MSR1: variants seen among roughly 807,000 people sequenced by gnomAD.
The protein encoded by MSR1 is macrophage scavenger receptor types I and II.
In MSR1, 53 loss-of-function variants were observed where a neutral mutation model predicts 47.2. The ratio of observed to expected loss-of-function variants is 1.12; its 90% CI spans 0.90 to 1.41. The LOEUF (loss-of-function observed/expected upper bound fraction) is 1.41, where lower values mean the gene tolerates loss of function less well. Ranked by LOEUF, MSR1 falls within the 40% of genes most tolerant of loss-of-function variation. MSR1 has a pLI of 0.00. For missense variants in MSR1, 786 were observed against 546.9 expected (o/e 1.44, Z -4.36); for synonymous variants, 239 against 185.6 (o/e 1.29, Z -2.34).
At chr8:16,112,639 ACC>A (rs1799783508) in intron 9 of MSR1, among the ~76,000 whole-genome samples, 24 of 152,096 alleles carry the variant, frequency 1.6e-4, no homozygotes, top group Admixed American at 1.5e-3. Flanking sequence ...CCTTGTGTAA[ACC>A]AATGAGATAA....
At chr8:16,117,163 T>A (rs933740038) in intron 9 of MSR1, among the ~76,000 whole-genome samples, 1 of 152,160 alleles carries the variant, frequency 6.6e-6, no homozygotes, top group African/African-American at 2.4e-5. Context: ...CTGTATTTAC[T>A]GCCGCTCCCT....
At chr8:16,135,333 T>C (rs1286493847) in intron 8 of MSR1, among the ~76,000 whole-genome samples, 1 of 152,088 alleles carries the variant, frequency 6.6e-6, no homozygotes, top group African/African-American at 2.4e-5. Flanking sequence ...CTAGGGCCCT[T>C]ATGAGTTATG....
intron 1 of MSR1, among the ~76,000 whole-genome samples, chr8:16,190,873 C>T (rs1270974725): frequency 6.6e-6 from 1 of 152,004 alleles, no homozygotes; most frequent in Non-Finnish European, 1.5e-5. Context: ...AAGCATGCAC[C>T]ACCACGCCCG....
rs567794986 is a variant in MSR1 at position 16,108,746 on chromosome 8, G to C, written c.*1339C>G. On this transcript the variant is annotated 3_prime_UTR_variant, in exon 10 of 10. Transcript: ENST00000262101. Reference sequence around the variant, plus strand: ...CTGTTTACAGTAATTCCAATTCCAAGGTAAGGTTTTGCCTTTTTAAGTTGG... The same window carrying C: ...CTGTTTACAGTAATTCCAATTCCAACGTAAGGTTTTGCCTTTTTAAGTTGG... The C allele has an allele frequency of 2.0e-5, 3 of 152,208 alleles. No individual in the cohort carries two copies. The South Asian group carries it at 6.2e-4, about 32-fold the overall frequency. 9.4% of individuals were successfully genotyped at this position (152,208 alleles called of 1,614,324 possible). A position where few individuals can be genotyped will look rare whatever the true frequency, so the allele number is the denominator to read the frequency against.
At chr8:16,111,955 T>G (rs1585129086) in intron 9 of MSR1, among the ~76,000 whole-genome samples, 1 of 149,946 alleles carries the variant, frequency 6.7e-6, no homozygotes, top group Admixed American at 6.6e-5. Context: ...CTTACTTATT[T>G]AGCAAATCTC....
intron 5 of MSR1, among the ~76,000 whole-genome samples, chr8:16,157,311 G>A (rs759112126): frequency 6.6e-6 from 1 of 151,756 alleles, no homozygotes; most frequent in Non-Finnish European, 1.5e-5. Context: ...GTAATTATGG[G>A]AACTGTATAC....
intron 1 of MSR1, among the ~76,000 whole-genome samples, chr8:16,186,812 C>T (rs1802013398): frequency 7.9e-6 from 1 of 125,992 alleles, no homozygotes; most frequent in Non-Finnish European, 1.6e-5. Context: ...TGCAGTCTTA[C>T]TATGTTGCCC....
At chr8:16,159,157 T>A (rs1352748480) in intron 5 of MSR1, among the ~76,000 whole-genome samples, 1 of 151,782 alleles carries the variant, frequency 6.6e-6, no homozygotes, top group African/African-American at 2.4e-5. Flanking sequence ...CAAATTCAAA[T>A]GCCCTCAGTT....
At chr8:16,121,134 T>C (rs1419057001) in intron 8 of MSR1, 2 of 435,748 alleles carry the variant, frequency 4.6e-6, no homozygotes, top group Non-Finnish European at 9.1e-6. Flanking sequence ...GTGACAACCT[T>C]CATTTAGAAA....
rs549805813 is a variant in MSR1 at position 16,174,497 on chromosome 8, A to C, written c.217+690T>G. ...TATCTACCCTTGTAGAAACAGTCAA[A>C]TCTATCTCCGGTTCAAGTCAGACCC... On this transcript the variant is annotated intron_variant, in intron 3 of 9. Transcript: ENST00000262101. Among the ~76,000 whole-genome samples the C allele has an allele frequency of 7.7e-4, 118 of 152,296 alleles. 3 individuals are homozygous for C. The South Asian group carries it at 0.024, about 31-fold the overall frequency.
At chr8:16,185,903 G>A (rs1166945519) in intron 1 of MSR1, among the ~76,000 whole-genome samples, 1 of 150,742 alleles carries the variant, frequency 6.6e-6, no homozygotes, top group African/African-American at 2.4e-5. Flanking sequence ...TTCAGTGGGT[G>A]AGTAGAGGAA....
In MSR1 at chr8:16,164,233, C is replaced by G. The variant is rs376579327; in HGVS notation, c.649G>C (p.Glu217Gln). The G allele has an allele frequency of 9.7e-5, 157 of 1,611,786 alleles. 2 individuals are homozygous for G. The South Asian group carries it at 1.5e-3, about 15-fold the overall frequency. Residue 217 changes from glutamate to glutamine, a missense_variant, in exon 5 of 10, where the codon GAG becomes CAG. Glu to Gln is a conservative substitution (Grantham distance 29). Transcript: ENST00000262101. Reference sequence around the variant, plus strand: ...TCTGCTGATACATTGTAAACACGCTCCTCTAATTTACTGATTTCCTGTAAA... The same window carrying G: ...TCTGCTGATACATTGTAAACACGCTGCTCTAATTTACTGATTTCCTGTAAA... ...KQQEEISKLE[E>Q]RVYNVSAEIM...
chr8:16,127,591 T>A (rs1464037355), intron 8 of MSR1, among the ~76,000 whole-genome samples: 4 of 152,170 alleles, frequency 2.6e-5, no homozygotes, highest in Non-Finnish European at 5.9e-5. Flanking sequence ...GAGACAGAGT[T>A]ATTTTGAAGG....
chr8:16,114,779 T>C (rs1799838290), intron 9 of MSR1, among the ~76,000 whole-genome samples: 2 of 152,178 alleles, frequency 1.3e-5, no homozygotes, highest in South Asian at 4.1e-4. Flanking sequence ...AAGGATTCTA[T>C]CTGCTAAGCC....
chr8:16,168,757 G>GAAC lies in MSR1; in HGVS notation c.330_331insGTT (p.Phe110_Gln111insVal), dbSNP rs756282591. 6.2e-7 allele frequency: 1 copy of GAAC among 1,614,100 alleles called. No individual in the cohort carries two copies. Among genetic ancestry groups the GAAC allele is most frequent in the South Asian group, 1.1e-5 (1 of 91,074 alleles). Reference sequence around the variant, plus strand: ...CTCATGTGTTCCATAAAGACTTCTTGAAATCTCATTTCCTCTTCGCTGTCA... The same window carrying GAAC: ...CTCATGTGTTCCATAAAGACTTCTTGAACAAATCTCATTTCCTCTTCGCTGTCA... On this transcript the variant is annotated inframe_insertion, in exon 4 of 10. Coordinates refer to ENST00000262101, the MANE Select transcript of MSR1 (RefSeq NM_138715.3).
intron 5 of MSR1, among the ~76,000 whole-genome samples, chr8:16,156,428 C>G (rs1224307654): frequency 6.6e-6 from 1 of 151,840 alleles, no homozygotes; most frequent in East Asian, 1.9e-4. Flanking sequence ...TTTTGACATC[C>G]TTGACTCTAC....
intron 1 of MSR1, among the ~76,000 whole-genome samples, chr8:16,189,123 C>T (rs372111782): frequency 4.2e-5 from 6 of 142,128 alleles, no homozygotes; most frequent in South Asian, 2.2e-4. Context: ...CATATATACG[C>T]AAAACCTTAT....
rs74303550 is a variant in MSR1 at position 16,159,313 on chromosome 8, A to T, written c.818-4169T>A. On this transcript the variant is annotated intron_variant, in intron 5 of 9. Transcript: ENST00000262101. ...AGTCATATTATATTTTATTTCTCTTAAATACCTTTCTCTAGAGTTCATCTT... is the reference window on the plus strand; with the variant it reads ...AGTCATATTATATTTTATTTCTCTTTAATACCTTTCTCTAGAGTTCATCTT... 3.9e-3 allele frequency among the ~76,000 whole-genome samples: 586 copies of T among 151,948 alleles called. 23 individuals carry two copies. The East Asian group carries it at 0.097, about 25-fold the overall frequency.
intron 1 of MSR1, chr8:16,186,118 G>C: frequency 6.8e-7 from 1 of 1,479,276 alleles, no homozygotes; most frequent in Non-Finnish European, 9.1e-7. Flanking sequence ...GTATAAAAAT[G>C]AAAGTCCCTG....
Sources: gnomAD v4.1 joint callset for allele counts (sites outside exome capture counted in the v4.1 genomes callset) on GRCh38, gnomAD v4.1.1 for gene constraint, MANE v1.5 for transcripts, NCBI Gene and HGNC (gene_info 2026-07-23, HGNC 2026-07-21) for gene names.